PDE7B: variants seen among roughly 807,000 people sequenced by gnomAD.
PDE7B encodes the protein 3',5'-cyclic-AMP phosphodiesterase 7B.
A neutral mutation model predicts 56.2 loss-of-function variants in PDE7B; 29 were observed. The ratio of observed to expected loss-of-function variants is 0.52; its 90% CI spans 0.38 to 0.70. The LOEUF is 0.70. PDE7B is among the 30% of genes least tolerant of loss of function. The pLI is 0.00. For synonymous variants in PDE7B, 197 were observed against 196.9 expected (o/e 1.00, Z 0.00); for missense variants, 490 against 565.0 (o/e 0.87, Z 1.35).
intron 11 of PDE7B, among the ~76,000 whole-genome samples, chr6:136,183,313 G>T (rs1562516226): frequency 1.3e-5 from 2 of 152,038 alleles, no homozygotes; most frequent in Non-Finnish European, 2.9e-5. Context: ...AAGATTATAG[G>T]CTGGGCATGG....
chr6:135,854,388 T>G (rs1233060721), intron 1 of PDE7B, among the ~76,000 whole-genome samples: 5 of 152,188 alleles, frequency 3.3e-5, no homozygotes, highest in African/African-American at 1.2e-4. Flanking sequence ...TGACCTCACA[T>G]TGTTGGGGTA....
intron 2 of PDE7B, among the ~76,000 whole-genome samples, chr6:135,965,294 C>A (rs925285999): frequency 3.3e-5 from 5 of 152,132 alleles, no homozygotes; most frequent in African/African-American, 1.2e-4. Flanking sequence ...GAACAAGGAT[C>A]TGCTTGTTCA....
intron 2 of PDE7B, among the ~76,000 whole-genome samples, chr6:136,080,646 C>G (rs761762669): frequency 2.0e-5 from 3 of 152,150 alleles, no homozygotes; most frequent in Non-Finnish European, 4.4e-5. Context: ...GGAGATCTAT[C>G]CACTCTCTAT....
chr6:135,853,008 G>A (rs1774965627), intron 1 of PDE7B, among the ~76,000 whole-genome samples: 2 of 152,182 alleles, frequency 1.3e-5, no homozygotes, highest in African/African-American at 4.8e-5. Context: ...TATGTCTTAA[G>A]GAGGATCCCT....
chr6:135,948,049 T>C (rs957876788), intron 2 of PDE7B, among the ~76,000 whole-genome samples: 2 of 152,056 alleles, frequency 1.3e-5, no homozygotes, highest in Admixed American at 1.3e-4. Context: ...TGATATATCA[T>C]CAATGCCTTT....
intron 2 of PDE7B, among the ~76,000 whole-genome samples, chr6:135,962,284 A>G (rs1191959411): frequency 6.6e-6 from 1 of 152,182 alleles, no homozygotes; most frequent in Admixed American, 6.5e-5. Context: ...GACTTTATAC[A>G]TACTTGCTCT....
chr6:135,987,867 C>T (rs1474773518), intron 2 of PDE7B, among the ~76,000 whole-genome samples: 1 of 152,020 alleles, frequency 6.6e-6, no homozygotes, highest in African/African-American at 2.4e-5. Context: ...ATATAATCAC[C>T]TCCCAATGAC....
At chr6:135,993,755 A>G (rs77726002) in intron 2 of PDE7B, among the ~76,000 whole-genome samples, 7 of 152,366 alleles carry the variant, frequency 4.6e-5, no homozygotes, top group African/African-American at 1.7e-4. Context: ...ATTCGGGCAG[A>G]TTAACAAAGT....
At chr6:135,864,119 T>C (rs1487920220) in intron 1 of PDE7B, among the ~76,000 whole-genome samples, 3 of 152,128 alleles carry the variant, frequency 2.0e-5, no homozygotes, top group African/African-American at 7.2e-5. Context: ...ATTGTTTTAC[T>C]GGTGACTATT....
intron 1 of PDE7B, among the ~76,000 whole-genome samples, chr6:135,888,645 AAAAAAT>A (rs1487142673): frequency 6.6e-6 from 1 of 151,500 alleles, no homozygotes; most frequent in Non-Finnish European, 1.5e-5. Context: ...GTACTAGTTT[AAAAAAT>A]AAATATTATA....
intron 1 of PDE7B, among the ~76,000 whole-genome samples, chr6:135,926,722 C>T (rs1011185266): frequency 3.3e-5 from 5 of 152,086 alleles, no homozygotes; most frequent in Non-Finnish European, 5.9e-5. Context: ...TCAAATGTCA[C>T]GATGTACCAC....
chr6:136,117,144 A>G (rs997289763), intron 3 of PDE7B: 8 of 152,210 alleles, frequency 5.3e-5, no homozygotes, highest in African/African-American at 1.9e-4. Context: ...CACTCAAAGT[A>G]TTTTCAGCAT....
chr6:136,070,938 C>G (rs865832659), intron 2 of PDE7B, among the ~76,000 whole-genome samples: 19 of 152,226 alleles, frequency 1.2e-4, no homozygotes, highest in African/African-American at 4.6e-4. Flanking sequence ...ACCACCCCAT[C>G]AAGTGCCCTA....
At chr6:136,065,946 A>G (rs1776928602) in intron 2 of PDE7B, among the ~76,000 whole-genome samples, 1 of 152,210 alleles carries the variant, frequency 6.6e-6, no homozygotes, top group South Asian at 2.1e-4. Flanking sequence ...TCAGAGTTCT[A>G]ACTGGTGGTT....
intron 2 of PDE7B, among the ~76,000 whole-genome samples, chr6:135,980,473 G>A (rs1457680509): frequency 2.1e-3 from 322 of 151,106 alleles, no homozygotes; most frequent in African/African-American, 7.6e-3. Flanking sequence ...CTTCTGCACA[G>A]CAAAAGAAAC....
intron 1 of PDE7B, among the ~76,000 whole-genome samples, chr6:135,858,944 A>T (rs1466738969): frequency 2.0e-5 from 3 of 152,168 alleles, no homozygotes; most frequent in Non-Finnish European, 1.5e-5. Context: ...AATATCAGTT[A>T]TTCATAAAAC....
intron 2 of PDE7B, chr6:136,012,711 T>C (rs1157753721): frequency 6.6e-6 from 1 of 152,220 alleles, no homozygotes; most frequent in East Asian, 1.9e-4. Flanking sequence ...TCAGTCATTT[T>C]AGCTGAGAAA....
chr6:136,129,485 A>G (rs1371179880), intron 3 of PDE7B, among the ~76,000 whole-genome samples: 1 of 152,012 alleles, frequency 6.6e-6, no homozygotes, highest in African/African-American at 2.4e-5. Flanking sequence ...ATTTCCTCCA[A>G]CCACACCCCT....
intron 2 of PDE7B, among the ~76,000 whole-genome samples, chr6:136,020,424 C>T (rs1039911805): frequency 6.6e-6 from 1 of 152,066 alleles, no homozygotes; most frequent in Non-Finnish European, 1.5e-5. Context: ...TTTACATACG[C>T]ATATGTTATA....
Sources: allele counts gnomAD v4.1 joint callset (sites outside exome capture counted in the v4.1 genomes callset), GRCh38; gene constraint gnomAD v4.1.1; transcripts MANE v1.5; gene names NCBI Gene and HGNC (gene_info 2026-07-23, HGNC 2026-07-21).